SPOCK3: variants seen among roughly 807,000 people sequenced by gnomAD.
SPOCK3 encodes the protein SPARC (osteonectin), cwcv and kazal like domains proteoglycan 3, also known as testican-3.
In SPOCK3, 30 loss-of-function variants were observed where a neutral mutation model predicts 56.6. That is an observed-to-expected ratio of 0.53 (90% CI 0.40 to 0.72). The LOEUF is 0.72. Among genes scored for constraint, SPOCK3 ranks in the 30% least tolerant of loss-of-function variants. The pLI is 0.00. For missense variants in SPOCK3, 527 were observed against 530.0 expected, an observed-to-expected ratio of 0.99 and a Z score of 0.06; for synonymous variants, 196 against 183.3, an observed-to-expected ratio of 1.07 and a Z score of -0.56.
intron 2 of SPOCK3, among the ~76,000 whole-genome samples, chr4:167,111,396 C>T (rs1218346200): frequency 6.6e-6 from 1 of 151,954 alleles, no homozygotes; most frequent in Admixed American, 6.6e-5. Context: ...CCCAGCCAAA[C>T]AGAATGAGGC....
chr4:166,764,795 C>G lies in SPOCK3; in HGVS notation c.710-10066G>C, dbSNP rs28798984. Among the ~76,000 whole-genome samples, 1,460 of 151,738 alleles carry G rather than the reference C, an allele frequency of 9.6e-3. 28 individuals are homozygous for G. Among genetic ancestry groups the G allele is most frequent in the African/African-American group, 0.033 (1,382 of 41,372 alleles). ...CTTCCACAATGGTTGAACTAGTTTA[C>G]AGTCCCAGCAACAGTGTAAATGTGT... On this transcript the variant is annotated intron_variant, in intron 7 of 10. Coordinates refer to ENST00000357545, the MANE Select transcript of SPOCK3 (RefSeq NM_001040159.2).
chr4:167,130,761 G>T (rs903043939), intron 2 of SPOCK3, among the ~76,000 whole-genome samples: 2 of 152,094 alleles, frequency 1.3e-5, no homozygotes, highest in African/African-American at 4.8e-5. Flanking sequence ...TTGTCTTACA[G>T]TCAATCAGAA....
chr4:167,012,106 A>C (rs1371107030), intron 3 of SPOCK3, among the ~76,000 whole-genome samples: 5 of 152,000 alleles, frequency 3.3e-5, no homozygotes. Flanking sequence ...TGATTTTTCC[A>C]GTAATGTTTT....
chr4:166,844,385 G>A (rs1747835616), intron 6 of SPOCK3, among the ~76,000 whole-genome samples: 1 of 152,122 alleles, frequency 6.6e-6, no homozygotes, highest in South Asian at 2.1e-4. Flanking sequence ...AATCAACCTG[G>A]CTAGGCCATG....
intron 3 of SPOCK3, among the ~76,000 whole-genome samples, chr4:167,010,112 A>C (rs1749879431): frequency 1.3e-5 from 2 of 152,140 alleles, no homozygotes; most frequent in Non-Finnish European, 2.9e-5. Flanking sequence ...CAAAAGGAAA[A>C]AGCAGTTTGT....
At chr4:167,193,845 T>C (rs1732687580) in intron 2 of SPOCK3, among the ~76,000 whole-genome samples, 1 of 146,024 alleles carries the variant, frequency 6.8e-6, no homozygotes, top group South Asian at 2.1e-4. Flanking sequence ...TATCTCATGG[T>C]TATTTTCTTT....
At chr4:166,897,498 C>T (rs1038275906) in intron 5 of SPOCK3, among the ~76,000 whole-genome samples, 1 of 152,064 alleles carries the variant, frequency 6.6e-6, no homozygotes, top group African/African-American at 2.4e-5. Flanking sequence ...TTGGGATTTC[C>T]TTAGCTGCAA....
chr4:166,881,538 T>C (rs867857096), intron 6 of SPOCK3, among the ~76,000 whole-genome samples: 1 of 152,066 alleles, frequency 6.6e-6, no homozygotes, highest in Non-Finnish European at 1.5e-5. Flanking sequence ...CCACAAAACA[T>C]AGATAATATT....
intron 2 of SPOCK3, among the ~76,000 whole-genome samples, chr4:167,169,569 G>T (rs1730314710): frequency 6.6e-6 from 1 of 152,112 alleles, no homozygotes; most frequent in East Asian, 1.9e-4. Flanking sequence ...ACTTGATTTT[G>T]ATTTTACAGG....
At chr4:166,737,155 A>T (rs2126352082) in intron 10 of SPOCK3, among the ~76,000 whole-genome samples, 1 of 152,278 alleles carries the variant, frequency 6.6e-6, no homozygotes. Flanking sequence ...TTGCAGTAGG[A>T]TGAATGAGAA....
At chr4:166,774,897 C>T (rs571153046) in intron 7 of SPOCK3, among the ~76,000 whole-genome samples, 86 of 152,192 alleles carry the variant, frequency 5.7e-4, no homozygotes, top group African/African-American at 2.0e-3. Flanking sequence ...TTTAGATTTT[C>T]CTTTTGGATA....
intron 6 of SPOCK3, among the ~76,000 whole-genome samples, chr4:166,844,985 A>G (rs1006667099): frequency 3.9e-5 from 6 of 152,258 alleles, no homozygotes; most frequent in Admixed American, 3.9e-4. Context: ...GAGGCAGAAT[A>G]CAAATGCATG....
At chr4:166,906,134 A>C (rs1736581713) in intron 5 of SPOCK3, among the ~76,000 whole-genome samples, 1 of 152,080 alleles carries the variant, frequency 6.6e-6, no homozygotes, top group Admixed American at 6.6e-5. Context: ...ACAAAGTTAG[A>C]CTTTGCATCT....
At chr4:167,203,328 C>T (rs1382277802) in intron 2 of SPOCK3, among the ~76,000 whole-genome samples, 2 of 151,836 alleles carry the variant, frequency 1.3e-5, no homozygotes, top group African/African-American at 4.8e-5. Flanking sequence ...AATAAGCAAA[C>T]ATCTTACCTA....
At chr4:167,020,896 T>C (rs1751104737) in intron 3 of SPOCK3, among the ~76,000 whole-genome samples, 1 of 151,978 alleles carries the variant, frequency 6.6e-6, no homozygotes, top group South Asian at 2.1e-4. Flanking sequence ...TTGAAGAAGA[T>C]GGGTGGAGTA....
At chr4:167,012,748 TTAAC>T (rs1750213340) in intron 3 of SPOCK3, among the ~76,000 whole-genome samples, 1 of 152,028 alleles carries the variant, frequency 6.6e-6, no homozygotes, top group Admixed American at 6.6e-5. Flanking sequence ...ACCAGTAACT[TTAAC>T]ATGATTTTAA....
intron 6 of SPOCK3, among the ~76,000 whole-genome samples, chr4:166,856,542 G>T (rs1040064803): frequency 6.6e-6 from 1 of 152,048 alleles, no homozygotes; most frequent in South Asian, 2.1e-4. Flanking sequence ...TTGGGAGACC[G>T]AGGTGGGTGG....
intron 8 of SPOCK3, chr4:166,754,173 G>T: frequency 9.8e-7 from 1 of 1,024,500 alleles, no homozygotes; most frequent in Non-Finnish European, 1.2e-6. Context: ...TTACATTGTG[G>T]GCAAAGCAGA....
chr4:166,782,190 C>G (rs1579210783), intron 7 of SPOCK3, among the ~76,000 whole-genome samples: 1 of 152,206 alleles, frequency 6.6e-6, no homozygotes, highest in East Asian at 1.9e-4. Flanking sequence ...ACTGTACTAT[C>G]AAACATGAGA....
Sources: allele counts gnomAD v4.1 joint callset (sites outside exome capture counted in the v4.1 genomes callset), GRCh38; gene constraint gnomAD v4.1.1; transcripts MANE v1.5; gene names NCBI Gene and HGNC (gene_info 2026-07-23, HGNC 2026-07-21).